OR4E1: variants seen among roughly 807,000 people sequenced by gnomAD.
OR4E1 encodes olfactory receptor 4E1.
Position 21,669,875 on chromosome 14 carries a change from G to A in OR4E1, c.*113C>T. ...CGATTGCTATGACTGTCAGATATTG[G>A]ACCAAGGATAGTTTTATAAGTCACA... On this transcript the variant is annotated 3_prime_UTR_variant, in exon 2 of 2. Transcript: ENST00000641792. 2.5e-6 allele frequency: 1 copy of A among 396,214 alleles called. No homozygotes were observed. The allele number at this position is 396,214 out of a possible 1,614,324, so 24.5% of individuals were successfully genotyped here.
In OR4E1 at chr14:21,669,321, G is replaced by GTT. The variant is rs2138552162; in HGVS notation, c.*666_*667insAA. On this transcript the variant is annotated 3_prime_UTR_variant, in exon 2 of 2. Transcript: ENST00000641792. ...ATTTATGGCTATAAACCTAGTATCTGGTACATAATAAGTGCTCAGTAAATA... is the reference window on the plus strand; with the variant it reads ...ATTTATGGCTATAAACCTAGTATCTGTTGTACATAATAAGTGCTCAGTAAATA... 2 of 152,248 alleles carry GTT rather than the reference G, an allele frequency of 1.3e-5. No homozygotes were observed. The highest frequency in any genetic ancestry group is 2.9e-5 in the Non-Finnish European group (2 of 68,020). 9.4% of individuals were successfully genotyped at this position (152,248 alleles called of 1,614,324 possible). A position where few individuals can be genotyped will look rare whatever the true frequency, so the allele number is the denominator to read the frequency against.
At chr14:21,671,714 C>A (rs138116335) in intron 1 of OR4E1, among the ~76,000 whole-genome samples, 2 of 152,068 alleles carry the variant, frequency 1.3e-5, no homozygotes. Context: ...TTCAAAGTCC[C>A]GTTCTGTTGT....
In OR4E1 at chr14:21,670,082, AG is replaced by A. The variant is rs1312848030; in HGVS notation, c.853del (p.Leu285CysfsTer2). The A allele has an allele frequency of 1.1e-4, 44 of 398,502 alleles. No individual in the cohort carries two copies. Among genetic ancestry groups the A allele is most frequent in the Admixed American group, 4.0e-4 (9 of 22,694 alleles). The allele number at this position is 398,502 out of a possible 1,614,324, so 24.7% of individuals were successfully genotyped here. Reference sequence around the variant, plus strand: ...AAGGGTATAGATAATGGGGTTCAGCAGGGGGGTGACTGCAGTGAAAAACACA... The same window carrying A: ...AAGGGTATAGATAATGGGGTTCAGCAGGGGGTGACTGCAGTGAAAAACACA... ...VSVFFTAVTP[L>X]LNPIIYTLRN... On this transcript the variant is annotated frameshift_variant, in exon 2 of 2. Coordinates refer to ENST00000641792, the MANE Select transcript of OR4E1 (RefSeq NM_001317107.2). LOFTEE classifies it high-confidence loss of function.
rs1248914464 is a variant in OR4E1, at chr14:21,673,296, T to C, written c.-224A>G. ...CAAAATATGTAATTCTGCACCAAGA[T>C]TTTCTAGGATTGGTTTCCAGTTAAC... is the stretch of plus-strand genomic sequence containing the variant. On this transcript the variant is annotated 5_prime_UTR_variant, in exon 1 of 2. Transcript: ENST00000641792. The C allele has an allele frequency of 2.0e-5, 3 of 152,150 alleles. No individual in the cohort carries two copies. Among genetic ancestry groups the C allele is most frequent in the African/African-American group, 2.4e-5 (1 of 41,426 alleles). 9.4% of individuals were successfully genotyped at this position (152,150 alleles called of 1,614,324 possible). A position where few individuals can be genotyped will look rare whatever the true frequency, so the allele number is the denominator to read the frequency against.
chr14:21,669,877 C>T lies in OR4E1; in HGVS notation c.*111G>A, dbSNP rs758124296. ...ATTGCTATGACTGTCAGATATTGGA[C>T]CAAGGATAGTTTTATAAGTCACATA... On this transcript the variant is annotated 3_prime_UTR_variant, in exon 2 of 2. Transcript: ENST00000641792. The T allele has an allele frequency of 1.3e-5, 5 of 396,128 alleles. No individual in the cohort carries two copies. Among genetic ancestry groups the T allele is most frequent in the Non-Finnish European group, 2.2e-5 (5 of 225,170 alleles). The allele number at this position is 396,128 out of a possible 1,614,324, so 24.5% of individuals were successfully genotyped here.
In OR4E1 at chr14:21,668,929, C is replaced by A. The variant is rs964646071; in HGVS notation, c.*1059G>T. Reference sequence around the variant, plus strand: ...CTTCTTGAGAGAATATGGAAAGATTCTTTTTAGCTCTCTGATATCACTCTC... The same window carrying A: ...CTTCTTGAGAGAATATGGAAAGATTATTTTTAGCTCTCTGATATCACTCTC... On this transcript the variant is annotated 3_prime_UTR_variant, in exon 2 of 2. Transcript: ENST00000641792. 3.3e-5 allele frequency: 5 copies of A among 152,136 alleles called. No individual in the cohort carries two copies. Among genetic ancestry groups the A allele is most frequent in the Non-Finnish European group, 7.4e-5 (5 of 68,016 alleles). The allele number at this position is 152,136 out of a possible 1,614,324, so 9.4% of individuals were successfully genotyped here.
rs1267290525 is a variant in OR4E1, at chr14:21,670,582, G to C, written c.354C>G (p.Leu118=). 1 of 400,986 alleles carries C rather than the reference G, an allele frequency of 2.5e-6. No individual in the cohort carries two copies. The highest frequency in any genetic ancestry group is 4.4e-6 in the Non-Finnish European group (1 of 226,732). 24.8% of individuals were successfully genotyped at this position (400,986 alleles called of 1,614,324 possible). Residue 118 remains leucine (L), a synonymous_variant, in exon 2 of 2, where the codon CTC becomes CTG. Coordinates refer to ENST00000641792, the MANE Select transcript of OR4E1 (RefSeq NM_001317107.2). ...ACCGATCATAGGCCATGACGGTGAG[G>C]AGGAAGATCTCTGTGCAGGCAAAGA... ...LHLFACTEIF[L]LTVMAYDRYV... is the part of the protein sequence containing the mutation.
rs1201764620 is a variant in OR4E1 at position 21,670,596 on chromosome 14, T to C, written c.340A>G (p.Thr114Ala). The part of the protein sequence containing the change: ...QMFFLHLFAC[T>A]EIFLLTVMAY... ...ATGACGGTGAGGAGGAAGATCTCTG[T>C]GCAGGCAAAGAGGTGCAGGAAGAAC... The change falls in exon 2 of 2, where the codon ACA becomes GCA. Residue 114 changes from threonine (T) to alanine (A), a missense_variant. Coordinates refer to ENST00000641792, the MANE Select transcript of OR4E1 (RefSeq NM_001317107.2). 2.5e-6 allele frequency: 1 copy of C among 400,966 alleles called. No homozygotes were observed. The allele number at this position is 400,966 out of a possible 1,614,324, so 24.8% of individuals were successfully genotyped here.
intron 1 of OR4E1, among the ~76,000 whole-genome samples, chr14:21,672,769 T>C (rs1348780771): frequency 6.6e-6 from 1 of 152,218 alleles, no homozygotes; most frequent in Non-Finnish European, 1.5e-5. Context: ...AATTATCATT[T>C]TTTTCTATTT....
chr14:21,669,925 C>T lies in OR4E1; in HGVS notation c.*63G>A. 2.5e-6 allele frequency: 1 copy of T among 397,604 alleles called. No homozygotes were observed. Among genetic ancestry groups the T allele is most frequent in the Non-Finnish European group, 4.4e-6 (1 of 225,916 alleles). 24.6% of individuals were successfully genotyped at this position (397,604 alleles called of 1,614,324 possible). A position where few individuals can be genotyped will look rare whatever the true frequency, so the allele number is the denominator to read the frequency against. On this transcript the variant is annotated 3_prime_UTR_variant, in exon 2 of 2. Transcript: ENST00000641792. ...ATAGTCTGATAAATATGGTATGTAA[C>T]TTATTCTTTGCAAGGCGCTTCTTTA... is the stretch of plus-strand genomic sequence containing the variant.
intron 1 of OR4E1, among the ~76,000 whole-genome samples, chr14:21,672,840 A>C (rs993398264): frequency 1.3e-5 from 2 of 152,362 alleles, no homozygotes; most frequent in South Asian, 4.1e-4. Flanking sequence ...TGCAGTAGAA[A>C]GAATATGGTG....
chr14:21,670,412 G>A lies in OR4E1; in HGVS notation c.524C>T (p.Pro175Leu). Residue 175 changes from proline (P) to leucine (L), a missense_variant, in exon 2 of 2, where the codon CCT (proline) becomes CTT (leucine). By Grantham distance (98) the Pro-to-Leu change is moderately conservative. Transcript: ENST00000641792. ...SLTIKLPYCG[P>L]DEIDNFFCDV... ...ACAGAAGAAGTTGTCAATCTCATCA[G>A]GACCACAGTAGGGCAGCTTGATGGT... The A allele has an allele frequency of 2.5e-6, 1 of 399,858 alleles. No homozygotes were observed. The highest frequency in any genetic ancestry group is 4.4e-6 in the Non-Finnish European group (1 of 226,556). The allele number at this position is 399,858 out of a possible 1,614,324, so 24.8% of individuals were successfully genotyped here. A position where few individuals can be genotyped will look rare whatever the true frequency, so the allele number is the denominator to read the frequency against.
rs1880805962 is a variant in OR4E1, at chr14:21,669,329, A to G, written c.*659T>C. 6.6e-6 allele frequency: 1 copy of G among 152,240 alleles called. No individual in the cohort carries two copies. Among genetic ancestry groups the G allele is most frequent in the Admixed American group, 6.5e-5 (1 of 15,284 alleles). The allele number at this position is 152,240 out of a possible 1,614,324, so 9.4% of individuals were successfully genotyped here. ...CTATAAACCTAGTATCTGGTACATA[A>G]TAAGTGCTCAGTAAATATTTGTCAA... On this transcript the variant is annotated 3_prime_UTR_variant, in exon 2 of 2. Coordinates refer to ENST00000641792, the MANE Select transcript of OR4E1 (RefSeq NM_001317107.2).
chr14:21,673,795 T>G lies in OR4E1; in HGVS notation c.-723A>C, dbSNP rs1008166514. On this transcript the variant is annotated 5_prime_UTR_variant, in exon 1 of 2. Transcript: ENST00000641792. ...GGTGGATTATTCCACCTTCAAGTACTGAAGGGGAATCTGTAGAGAAAGAAG... is the reference window on the plus strand; with the variant it reads ...GGTGGATTATTCCACCTTCAAGTACGGAAGGGGAATCTGTAGAGAAAGAAG... 1 of 152,112 alleles carries G rather than the reference T, an allele frequency of 6.6e-6. No individual in the cohort carries two copies. The highest frequency in any genetic ancestry group is 2.4e-5 in the African/African-American group (1 of 41,404). 9.4% of individuals were successfully genotyped at this position (152,112 alleles called of 1,614,324 possible).
rs1242395873 is a variant in OR4E1, at chr14:21,670,395, A to AGTT, written c.538_540dup (p.Asn180dup). 18 of 399,670 alleles carry AGTT rather than the reference A, an allele frequency of 4.5e-5. No homozygotes were observed. The Admixed American group carries it at 4.8e-4, about 11-fold the overall frequency. The allele number at this position is 399,670 out of a possible 1,614,324, so 24.8% of individuals were successfully genotyped here. A position where few individuals can be genotyped will look rare whatever the true frequency, so the allele number is the denominator to read the frequency against. ...ATCACCTGAGGTACATCACAGAAGAAGTTGTCAATCTCATCAGGACCACAG... is the reference window on the plus strand; with the variant it reads ...ATCACCTGAGGTACATCACAGAAGAAGTTGTTGTCAATCTCATCAGGACCACAG... On this transcript the variant is annotated inframe_insertion, in exon 2 of 2. Coordinates refer to ENST00000641792, the MANE Select transcript of OR4E1 (RefSeq NM_001317107.2).
Position 21,670,535 on chromosome 14 carries a change from A to C in OR4E1, c.401T>G (p.Leu134Arg), listed in dbSNP as rs988250030. The C allele has an allele frequency of 2.5e-5, 10 of 400,500 alleles. No homozygotes were observed. Among genetic ancestry groups the C allele is most frequent in the African/African-American group, 1.9e-4 (9 of 48,646 alleles). 24.8% of individuals were successfully genotyped at this position (400,500 alleles called of 1,614,324 possible). ...CCAGTTCATCACTATCATGTACTGC[A>C]GGGGTTTACAGATGGCCACATACCG... is the stretch of plus-strand genomic sequence containing the variant. Reference protein sequence around the residue: ...YDRYVAICKPLQYMIVMNWKV... With the variant: ...YDRYVAICKPRQYMIVMNWKV... The change falls in exon 2 of 2, where the codon CTG (leucine) becomes CGG (arginine). Residue 134 changes from leucine (L) to arginine (R), a missense_variant. Transcript: ENST00000641792.
intron 1 of OR4E1, among the ~76,000 whole-genome samples, chr14:21,672,766 AT>A (rs534412916): frequency 6.6e-6 from 1 of 152,078 alleles, no homozygotes; most frequent in Non-Finnish European, 1.5e-5. Flanking sequence ...CATAATTATC[AT>A]TTTTTTCTAT....
rs73588741 is a variant in OR4E1 at position 21,670,015 on chromosome 14, C to T, written c.921G>A (p.Gly307=). 5.6e-3 allele frequency: 2,233 copies of T among 398,606 alleles called. 45 individuals are homozygous for T. Among genetic ancestry groups the T allele is most frequent in the African/African-American group, 0.041 (2,018 of 48,702 alleles). The allele number at this position is 398,606 out of a possible 1,614,324, so 24.7% of individuals were successfully genotyped here. Residue 307 remains glycine, a synonymous_variant, in exon 2 of 2, where the codon GGG becomes GGA. Coordinates refer to ENST00000641792, the MANE Select transcript of OR4E1 (RefSeq NM_001317107.2). The part of the protein sequence containing the change: ...EMKSALNKLV[G]RKERKEEK ...ATTTTTCTTCTTTTCTCTCTTTTCT[C>T]CCCACTAACTTGTTTAAGGCACTCT... is the stretch of plus-strand genomic sequence containing the variant.
At chr14:21,670,980 TA>T (rs1242409877) in intron 1 of OR4E1, 28 bp from the exon 2 acceptor site, 1 of 398,370 alleles carries the variant, frequency 2.5e-6, no homozygotes, top group Non-Finnish European at 4.4e-6. Context: ...AAAAGTCTAA[TA>T]TAACACAGTA....
Sources: gnomAD v4.1 joint callset for allele counts (sites outside exome capture counted in the v4.1 genomes callset) on GRCh38, gnomAD v4.1.1 for gene constraint, MANE v1.5 for transcripts, NCBI Gene and HGNC (gene_info 2026-07-23, HGNC 2026-07-21) for gene names.